Variants in BAZ1A observed in about 807,000 individuals in gnomAD.
BAZ1A encodes the protein bromodomain adjacent to zinc finger domain 1A.
In BAZ1A, 50 loss-of-function variants were observed where a neutral mutation model predicts 185.2. The observed-to-expected ratio is 0.27, with a 90% CI of 0.22 to 0.34. The LOEUF (loss-of-function observed/expected upper bound fraction) is 0.34, where lower values mean the gene tolerates loss of function less well. BAZ1A is among the 10% of genes least tolerant of loss of function. The probability of loss-of-function intolerance (pLI) is 1.00; values close to 1 mark genes in which losing one functional copy is unlikely to be tolerated. For synonymous variants in BAZ1A, 571 were observed against 615.6 expected (o/e 0.93, Z 1.07); for missense variants, 1,356 against 1,839.9 (o/e 0.74, Z 4.81).
chr14:34,866,502 A>AAAAAAAAAAAAAAAAAGAAAAAAAGAAAG, intron 2 of BAZ1A, among the ~76,000 whole-genome samples: 4 of 79,536 alleles, frequency 5.0e-5, no homozygotes, highest in African/African-American at 1.5e-4. Flanking sequence ...AAAAAAAAAA[A>AAAAAAAAAAAAAAAAAGAAAAAAAGAAAG]GAAAAAAGTT....
intron 3 of BAZ1A, among the ~76,000 whole-genome samples, chr14:34,857,595 T>A (rs1258103774): frequency 6.6e-6 from 1 of 152,154 alleles, no homozygotes; most frequent in East Asian, 1.9e-4. Context: ...TCGTGTTAGT[T>A]CTCCACCCAA....
intron 2 of BAZ1A, among the ~76,000 whole-genome samples, chr14:34,866,910 A>G (rs1312641415): frequency 6.6e-6 from 1 of 152,024 alleles, no homozygotes; most frequent in Admixed American, 6.6e-5. Flanking sequence ...ATTTCATTTC[A>G]ATACGTAATA....
At chr14:34,865,631 T>G (rs2042845406) in intron 2 of BAZ1A, among the ~76,000 whole-genome samples, 1 of 152,050 alleles carries the variant, frequency 6.6e-6, no homozygotes, top group South Asian at 2.1e-4. Context: ...ATACCTTAAC[T>G]TAAATGAGAT....
intron 6 of BAZ1A, among the ~76,000 whole-genome samples, chr14:34,803,448 C>T (rs983111631): frequency 6.7e-6 from 1 of 148,822 alleles, no homozygotes; most frequent in Non-Finnish European, 1.5e-5. Context: ...TAGTAAAATA[C>T]ATTTTAGTTG....
intron 18 of BAZ1A, 39 bp downstream of exon 18, chr14:34,775,879 GA>G (rs1879566855): frequency 6.7e-7 from 1 of 1,486,236 alleles, no homozygotes; most frequent in South Asian, 1.3e-5. Flanking sequence ...AGATTAGGGG[GA>G]GGGAAAAAAA....
intron 16 of BAZ1A, 149 bp from the exon 17 acceptor site, chr14:34,780,459 A>ATATC: frequency 4.4e-6 from 3 of 683,042 alleles, no homozygotes; most frequent in Non-Finnish European, 7.0e-6. Context: ...GAGAAAACAG[A>ATATC]TAATTACACA....
intron 3 of BAZ1A, chr14:34,828,797 T>C (rs2042198930): frequency 6.6e-6 from 1 of 152,214 alleles, no homozygotes; most frequent in African/African-American, 2.4e-5. Flanking sequence ...CTCCAGGGTA[T>C]GGTCTCTTCT....
chr14:34,781,106 A>C lies in BAZ1A; in HGVS notation c.2112-796T>G, dbSNP rs1169824187. Among the ~76,000 whole-genome samples the C allele has an allele frequency of 2.0e-5, 3 of 152,248 alleles. No homozygotes were observed. In the East Asian group the frequency reaches 5.8e-4, roughly 29 times the overall value. ...AAACTAAAATTATATGAACCTTGAA[A>C]TAAATTACACCATTATGTTCTAAAT... On this transcript the variant is annotated intron_variant, in intron 16 of 26. Transcript: ENST00000360310.
At chr14:34,773,517 A>G (rs1247249697) in intron 20 of BAZ1A, 55 bp downstream of exon 20, 1 of 1,474,308 alleles carries the variant, frequency 6.8e-7, no homozygotes, top group East Asian at 2.3e-5. Context: ...AAAAAAAAAA[A>G]AACCTTAAAA....
chr14:34,874,722 G>T lies in BAZ1A; in HGVS notation c.-58-60C>A. On this transcript the variant is annotated intron_variant, in intron 1 of 26. Transcript: ENST00000360310. The surrounding 1 kb of genome is among the most constrained non-coding windows in gnomAD (Gnocchi z 4.7). ...GTGGGGAGCCCTCGGCGGCAGCGTG[G>T]GCCGGTCCGCGCGCTGGGAGAAGCT... The T allele has an allele frequency of 1.3e-6, 1 of 767,582 alleles. No individual in the cohort carries two copies. Among genetic ancestry groups the T allele is most frequent in the Non-Finnish European group, 2.0e-6 (1 of 500,670 alleles). 47.5% of individuals were successfully genotyped at this position (767,582 alleles called of 1,614,324 possible).
chr14:34,788,141 C>T (rs1438588901), intron 12 of BAZ1A, among the ~76,000 whole-genome samples: 1 of 151,984 alleles, frequency 6.6e-6, no homozygotes, highest in East Asian at 1.9e-4. Flanking sequence ...CCTCAGCCTC[C>T]CAGGTAGCTG....
chr14:34,855,079 A>AAAT (rs544647335), intron 3 of BAZ1A, among the ~76,000 whole-genome samples: 136 of 151,994 alleles, frequency 8.9e-4, no homozygotes, highest in Non-Finnish European at 1.8e-3. Context: ...ACTACGTCTC[A>AAAT]AATAATAATA....
chr14:34,779,845 G>A lies in BAZ1A; in HGVS notation c.2236+341C>T, dbSNP rs528383526. Among the ~76,000 whole-genome samples the A allele has an allele frequency of 3.2e-4, 49 of 152,058 alleles. 1 individual carries two copies. Among genetic ancestry groups the A allele is most frequent in the African/African-American group, 9.9e-4 (41 of 41,474 alleles). Reference sequence around the variant, plus strand: ...CATTATAGAATACAAATTTCTATTTGGCCCAAAAAAGTAGTAAATGTAAAA... The same window carrying A: ...CATTATAGAATACAAATTTCTATTTAGCCCAAAAAAGTAGTAAATGTAAAA... On this transcript the variant is annotated intron_variant, in intron 17 of 26. Coordinates refer to ENST00000360310, the MANE Select transcript of BAZ1A (RefSeq NM_013448.3).
intron 2 of BAZ1A, among the ~76,000 whole-genome samples, chr14:34,869,552 G>A (rs2138841031): frequency 6.6e-6 from 1 of 152,268 alleles, no homozygotes; most frequent in South Asian, 2.1e-4. Context: ...TAGGTAGTAT[G>A]GGGCAAACAA....
chr14:34,864,775 A>AT (rs1176629111), intron 2 of BAZ1A, among the ~76,000 whole-genome samples: 15 of 108,708 alleles, frequency 1.4e-4, no homozygotes, highest in South Asian at 1.2e-3. Context: ...CAGCGCAATA[A>AT]ATTTTTTTTT....
At position 34,786,603 on chromosome 14, in the gene BAZ1A, G is replaced by GTTTTTTTTTTTTTTTTTTTTTTT. The variant is rs542523340; in HGVS notation, c.1511-383_1511-382insAAAAAAAAAAAAAAAAAAAAAAA. Reference sequence around the variant, plus strand: ...TTAAAGATACTCCAATCTTTTATGTGTGTTTTTTTTTTTTTTTTTTTTGAG... The same window carrying GTTTTTTTTTTTTTTTTTTTTTTT: ...TTAAAGATACTCCAATCTTTTATGTGTTTTTTTTTTTTTTTTTTTTTTTTGTTTTTTTTTTTTTTTTTTTTGAG... On this transcript the variant is annotated intron_variant, in intron 12 of 26. Transcript: ENST00000360310. The GTTTTTTTTTTTTTTTTTTTTTTT allele has an allele frequency of 9.4e-5, 10 of 106,864 alleles. 4 individuals are homozygous for GTTTTTTTTTTTTTTTTTTTTTTT. The highest frequency in any genetic ancestry group is 8.7e-5 in the Non-Finnish European group (5 of 57,164). 6.6% of individuals were successfully genotyped at this position (106,864 alleles called of 1,614,324 possible).
chr14:34,791,136 A>G (rs184794225), intron 12 of BAZ1A, among the ~76,000 whole-genome samples: 2 of 111,102 alleles, frequency 1.8e-5, no homozygotes, highest in Non-Finnish European at 2.0e-5. Context: ...AAAGAAAAGA[A>G]AAGAGAAGAG....
chr14:34,868,618 T>C lies in BAZ1A; in HGVS notation c.113+5874A>G, dbSNP rs1403830521. On this transcript the variant is annotated intron_variant, in intron 2 of 26. Coordinates refer to ENST00000360310, the MANE Select transcript of BAZ1A (RefSeq NM_013448.3). ...GAGGTCAAGACCAGCATAGCCAAGA[T>C]GGTGAAACTCCGTCTCTAGTAAAAA... Among the ~76,000 whole-genome samples, 4 of 151,910 alleles carry C rather than the reference T, an allele frequency of 2.6e-5. No homozygotes were observed. In the East Asian group the frequency reaches 5.8e-4, roughly 22 times the overall value.
At position 34,825,367 on chromosome 14, in the gene BAZ1A, C is replaced by T. The variant is rs181741629; in HGVS notation, c.536+646G>A. Among the ~76,000 whole-genome samples the T allele has an allele frequency of 3.8e-4, 53 of 141,260 alleles. 1 individual carries two copies. The highest frequency in any genetic ancestry group is 1.4e-3 in the African/African-American group (52 of 37,958). The allele number at this position is 141,260 out of a possible 152,430, so 92.7% of individuals were successfully genotyped here. On this transcript the variant is annotated intron_variant, in intron 4 of 26. Coordinates refer to ENST00000360310, the MANE Select transcript of BAZ1A (RefSeq NM_013448.3). ...ACTTGGGAGGCTGAGGCAGGAGAAT[C>T]GCTTGAACCCAGGAGACTTCAGTGA...
Sources: allele counts gnomAD v4.1 joint callset (sites outside exome capture counted in the v4.1 genomes callset), GRCh38; gene constraint gnomAD v4.1.1; non-coding constraint Gnocchi (gnomAD v3.1); transcripts MANE v1.5; gene names NCBI Gene and HGNC (gene_info 2026-07-23, HGNC 2026-07-21).